SEMA5A: variants seen among roughly 807,000 people sequenced by gnomAD.
SEMA5A encodes semaphorin 5A, also known as semaphorin-5A.
SEMA5A carries 55 observed loss-of-function variants against 135.5 expected under a neutral mutation model. The observed-to-expected ratio is 0.41, with a 90% CI of 0.33 to 0.51. The LOEUF (loss-of-function observed/expected upper bound fraction) is 0.51. Ranked by LOEUF, SEMA5A falls within the 20% of genes least tolerant of loss-of-function variation. The pLI is 0.37. For missense variants in SEMA5A, 1,290 were observed against 1,419.9 expected, an observed-to-expected ratio of 0.91 and a Z score of 1.47; for synonymous variants, 580 against 546.5, an observed-to-expected ratio of 1.06 and a Z score of -0.85.
chr5:9,334,650 A>G (rs1417187317), intron 4 of SEMA5A, among the ~76,000 whole-genome samples: 1 of 152,192 alleles, frequency 6.6e-6, no homozygotes, highest in Non-Finnish European at 1.5e-5. Flanking sequence ...CAGGCTCTGA[A>G]ACTGGCTTAG....
chr5:9,289,743 G>T (rs1750985628), intron 5 of SEMA5A, among the ~76,000 whole-genome samples: 1 of 151,476 alleles, frequency 6.6e-6, no homozygotes, highest in Non-Finnish European at 1.5e-5. Flanking sequence ...AACTTCATCT[G>T]CCAATTAGAC....
At chr5:9,473,437 C>T (rs1321460734) in intron 1 of SEMA5A, among the ~76,000 whole-genome samples, 1 of 142,374 alleles carries the variant, frequency 7.0e-6, no homozygotes, top group Non-Finnish European at 1.5e-5. Context: ...CCATGTAGAC[C>T]CTGGTTCTGT....
chr5:9,351,832 C>T (rs1754131319), intron 3 of SEMA5A, among the ~76,000 whole-genome samples: 1 of 152,186 alleles, frequency 6.6e-6, no homozygotes, highest in Non-Finnish European at 1.5e-5. Flanking sequence ...AATCAAATCT[C>T]AAGTCTCAAA....
chr5:9,382,172 T>C (rs1325882782), intron 2 of SEMA5A, among the ~76,000 whole-genome samples: 1 of 152,142 alleles, frequency 6.6e-6, no homozygotes, highest in Non-Finnish European at 1.5e-5. Flanking sequence ...TAGTTGTGTG[T>C]GTCTGTAGTC....
intron 2 of SEMA5A, among the ~76,000 whole-genome samples, chr5:9,399,301 T>C (rs1561221029): frequency 1.3e-5 from 2 of 152,234 alleles, no homozygotes; most frequent in African/African-American, 2.4e-5. Flanking sequence ...ACATATGCTA[T>C]AATGTGGATG....
chr5:9,043,036 A>AG lies in SEMA5A; in HGVS notation c.3106-21_3106-20insC, dbSNP rs773339686. The AG allele has an allele frequency of 6.9e-6, 11 of 1,591,744 alleles. No individual in the cohort carries two copies. Among genetic ancestry groups the AG allele is most frequent in the East Asian group, 4.5e-5 (2 of 44,768 alleles). The stretch of plus-strand genomic sequence containing the variant: ...AAATGCCTGGAAAATATATTAAAAA[A>AG]AAACAGGTTTAAGAATGCTGAGTAG... On this transcript the variant is annotated intron_variant, in intron 22 of 22. Transcript: ENST00000382496.
intron 4 of SEMA5A, among the ~76,000 whole-genome samples, chr5:9,321,922 A>G (rs1431274052): frequency 1.3e-5 from 2 of 152,194 alleles, no homozygotes; most frequent in East Asian, 1.9e-4. Flanking sequence ...AGAAGCTTTC[A>G]TACACAAAGG....
intron 4 of SEMA5A, among the ~76,000 whole-genome samples, chr5:9,322,740 C>T (rs1752685244): frequency 6.6e-6 from 1 of 152,036 alleles, no homozygotes; most frequent in African/African-American, 2.4e-5. Context: ...GAAACAAGCC[C>T]CCCGTGTCTT....
rs1278332649 is a variant in SEMA5A, at chr5:9,179,842, G to A, written c.1273+10425C>T. 2.6e-5 allele frequency among the ~76,000 whole-genome samples: 4 copies of A among 152,286 alleles called. No individual in the cohort carries two copies. In the South Asian group the frequency reaches 6.2e-4, roughly 24 times the overall value. On this transcript the variant is annotated intron_variant, in intron 11 of 22. Transcript: ENST00000382496. ...ATGCAGTGTGGCAAAGTCTACCCAGGTATATTAGTAACCTAGGGGTGCTGC... is the reference window on the plus strand; with the variant it reads ...ATGCAGTGTGGCAAAGTCTACCCAGATATATTAGTAACCTAGGGGTGCTGC...
At chr5:9,510,792 G>C (rs1170812248) in intron 1 of SEMA5A, among the ~76,000 whole-genome samples, 9 of 152,050 alleles carry the variant, frequency 5.9e-5, no homozygotes, top group Non-Finnish European at 1.2e-4. Context: ...TCAGCCTAAG[G>C]CTACCTTTGT....
intron 1 of SEMA5A, among the ~76,000 whole-genome samples, chr5:9,498,962 G>C (rs989125441): frequency 6.6e-6 from 1 of 152,222 alleles, no homozygotes; most frequent in African/African-American, 2.4e-5. Flanking sequence ...GTTATGGCAA[G>C]CTATAAGGAA....
At chr5:9,050,316 C>T (rs1736496085) in intron 21 of SEMA5A, 94 bp downstream of exon 21, 10 of 1,196,924 alleles carry the variant, frequency 8.4e-6, no homozygotes, top group South Asian at 1.6e-5. Flanking sequence ...CATTCTTGGC[C>T]AAGAGGCAGA....
At chr5:9,353,173 AG>A (rs1370026122) in intron 3 of SEMA5A, among the ~76,000 whole-genome samples, 2 of 118,680 alleles carry the variant, frequency 1.7e-5, no homozygotes, top group African/African-American at 6.7e-5. Flanking sequence ...AGGGAAAGGA[AG>A]GGAAAGGAAG....
chr5:9,415,371 T>A (rs760974744), intron 2 of SEMA5A, among the ~76,000 whole-genome samples: 7 of 152,050 alleles, frequency 4.6e-5, no homozygotes, highest in Non-Finnish European at 8.8e-5. Flanking sequence ...CACAGACACA[T>A]GTAAGATGTG....
chr5:9,458,001 G>A (rs1037972492), intron 1 of SEMA5A, among the ~76,000 whole-genome samples: 5 of 144,138 alleles, frequency 3.5e-5, no homozygotes, highest in Admixed American at 7.2e-5. Flanking sequence ...TCCGCCTCCC[G>A]GGTTCATGCC....
At chr5:9,172,946 T>C (rs1744006925) in intron 11 of SEMA5A, among the ~76,000 whole-genome samples, 1 of 152,196 alleles carries the variant, frequency 6.6e-6, no homozygotes, top group African/African-American at 2.4e-5. Context: ...AATCTCAAAA[T>C]GGTTTAAAAC....
At chr5:9,502,826 G>A (rs1284474528) in intron 1 of SEMA5A, among the ~76,000 whole-genome samples, 1 of 152,146 alleles carries the variant, frequency 6.6e-6, no homozygotes, top group Non-Finnish European at 1.5e-5. Flanking sequence ...ATTGGGGGAA[G>A]GACAGAGTGA....
chr5:9,461,018 T>A (rs1375716451), intron 1 of SEMA5A, among the ~76,000 whole-genome samples: 1 of 152,240 alleles, frequency 6.6e-6, no homozygotes, highest in Non-Finnish European at 1.5e-5. Flanking sequence ...CTTCTCTTGG[T>A]CTTAACTCCA....
At chr5:9,238,060 G>A (rs1050472965) in intron 5 of SEMA5A, among the ~76,000 whole-genome samples, 170 bp from the exon 6 acceptor site, 1 of 152,120 alleles carries the variant, frequency 6.6e-6, no homozygotes, top group Non-Finnish European at 1.5e-5. Flanking sequence ...TTAGTCATGG[G>A]CTTAGATTTA....
Sources: gnomAD v4.1 joint callset for allele counts (sites outside exome capture counted in the v4.1 genomes callset) on GRCh38, gnomAD v4.1.1 for gene constraint, MANE v1.5 for transcripts, NCBI Gene and HGNC (gene_info 2026-07-23, HGNC 2026-07-21) for gene names.